HYCC1: variants seen among roughly 807,000 people sequenced by gnomAD.
The protein encoded by HYCC1 is hyccin PI4KA lipid kinase complex subunit 1, also known as hyccin.
the HYCC1 span, among the ~76,000 whole-genome samples, chr7:22,925,384 G>T: frequency 3.3e-5 from 5 of 152,134 alleles, no homozygotes; most frequent in Non-Finnish European, 7.4e-5. Flanking sequence ...AAGCTACTCC[G>T]AGCTAAAGGA....
the HYCC1 span, among the ~76,000 whole-genome samples, chr7:22,953,320 A>G: frequency 1.3e-5 from 2 of 152,068 alleles, no homozygotes; most frequent in South Asian, 4.1e-4. Flanking sequence ...AAATGCTCAT[A>G]AAAAGGTGGA....
At chr7:23,005,579 C>T in the HYCC1 span, among the ~76,000 whole-genome samples, 1 of 152,164 alleles carries the variant, frequency 6.6e-6, no homozygotes, top group African/African-American at 2.4e-5. Context: ...AATCTACTAC[C>T]AGCACTTCCA....
chr7:22,965,794 A>AT, the HYCC1 span, among the ~76,000 whole-genome samples: 3 of 151,100 alleles, frequency 2.0e-5, no homozygotes, highest in South Asian at 2.1e-4. Context: ...TTAAAACAAA[A>AT]TTTTTTTTTG....
chr7:22,939,395 A>C, the HYCC1 span: 1 of 152,174 alleles, frequency 6.6e-6, no homozygotes, highest in Non-Finnish European at 1.5e-5. Context: ...TCAGTGACTA[A>C]TGATTTCCCC....
At chr7:22,941,537 T>A in the HYCC1 span, 2 of 152,036 alleles carry the variant, frequency 1.3e-5, no homozygotes, top group African/African-American at 4.8e-5. Context: ...AGGTACACAA[T>A]AAGTTCCATA....
the HYCC1 span, among the ~76,000 whole-genome samples, chr7:22,967,974 T>C: frequency 1.2e-4 from 18 of 152,158 alleles, no homozygotes; most frequent in African/African-American, 4.3e-4. Flanking sequence ...CTCTTCCCTT[T>C]AGGAACTAGT....
chr7:22,913,486 C>T, the HYCC1 span, among the ~76,000 whole-genome samples: 1 of 152,176 alleles, frequency 6.6e-6, no homozygotes, highest in Non-Finnish European at 1.5e-5. Flanking sequence ...TGAGCCCAAG[C>T]CTGCGTGTAT....
At chr7:22,940,850 G>A in the HYCC1 span, 10 of 147,178 alleles carry the variant, frequency 6.8e-5, no homozygotes, top group Admixed American at 2.0e-4. Flanking sequence ...ATAAGATCTC[G>A]TTATATTGCC....
the HYCC1 span, among the ~76,000 whole-genome samples, chr7:22,953,809 T>C: frequency 6.6e-6 from 1 of 151,834 alleles, no homozygotes; most frequent in African/African-American, 2.4e-5. Context: ...AAAGAAAATC[T>C]GTTCCTCAAA....
At chr7:22,955,266 T>G in the HYCC1 span, among the ~76,000 whole-genome samples, 11 of 151,654 alleles carry the variant, frequency 7.3e-5, no homozygotes, top group Non-Finnish European at 1.3e-4. Context: ...ACAACTTGAA[T>G]AGCAAACTAG....
the HYCC1 span, among the ~76,000 whole-genome samples, chr7:22,982,389 T>C: frequency 6.6e-6 from 1 of 152,144 alleles, no homozygotes; most frequent in Admixed American, 6.5e-5. Context: ...ATGATACGCA[T>C]TATAGTATTA....
the HYCC1 span, among the ~76,000 whole-genome samples, chr7:22,927,519 C>T: frequency 3.3e-5 from 5 of 152,202 alleles, no homozygotes; most frequent in African/African-American, 1.2e-4. Context: ...ACCAATCCCA[C>T]AGAAATGCAA....
the HYCC1 span, among the ~76,000 whole-genome samples, chr7:22,920,521 A>T: frequency 6.6e-6 from 1 of 152,088 alleles, no homozygotes; most frequent in Admixed American, 6.5e-5. Flanking sequence ...TCTAGCAAAA[A>T]CATCTTTTAA....
the HYCC1 span, among the ~76,000 whole-genome samples, chr7:23,000,679 G>A: frequency 2.6e-5 from 4 of 151,990 alleles, no homozygotes; most frequent in African/African-American, 9.7e-5. Context: ...GCTGGAATTG[G>A]CAAAGTGACA....
At chr7:22,975,632 C>T in the HYCC1 span, among the ~76,000 whole-genome samples, 1 of 152,186 alleles carries the variant, frequency 6.6e-6, no homozygotes, top group East Asian at 1.9e-4. Context: ...TAGCTATATA[C>T]TATAATCCTT....
the HYCC1 span, chr7:22,936,714 A>G: frequency 1.3e-5 from 2 of 152,152 alleles, no homozygotes; most frequent in Admixed American, 6.5e-5. Flanking sequence ...AAAGCAGACT[A>G]GAAATACTGC....
At chr7:22,923,404 C>G in the HYCC1 span, among the ~76,000 whole-genome samples, 1 of 152,062 alleles carries the variant, frequency 6.6e-6, no homozygotes, top group Non-Finnish European at 1.5e-5. Context: ...ATGGCTAAAG[C>G]AGTACTTGGA....
At chr7:22,929,766 T>C in the HYCC1 span, among the ~76,000 whole-genome samples, 1 of 152,200 alleles carries the variant, frequency 6.6e-6, no homozygotes, top group African/African-American at 2.4e-5. Flanking sequence ...AGTTCAACCA[T>C]TGTGGAAGTC....
chr7:23,007,281 C>A, the HYCC1 span, among the ~76,000 whole-genome samples: 2 of 152,046 alleles, frequency 1.3e-5, no homozygotes, highest in African/African-American at 4.8e-5. Flanking sequence ...AAAAACATTA[C>A]GGTACTGATT....
Sources: allele counts gnomAD v4.1 joint callset (sites outside exome capture counted in the v4.1 genomes callset), GRCh38; gene constraint gnomAD v4.1.1; transcripts MANE v1.5; gene names NCBI Gene and HGNC (gene_info 2026-07-23, HGNC 2026-07-21).